TPRG1: variants seen among roughly 807,000 people sequenced by gnomAD.
TPRG1 encodes the protein tumor protein p63-regulated gene 1 protein.
A neutral mutation model predicts 29.3 loss-of-function variants in TPRG1; 29 were observed. That is an observed-to-expected ratio of 0.99 (90% CI 0.74 to 1.35). The LOEUF is 1.35. TPRG1 is among the 40% of genes most tolerant of loss of function. The pLI is 0.00. For synonymous variants in TPRG1, 130 were observed against 116.8 expected, an observed-to-expected ratio of 1.11 and a Z score of -0.73; for missense variants, 327 against 335.0, an observed-to-expected ratio of 0.98 and a Z score of 0.19.
intron 3 of TPRG1, among the ~76,000 whole-genome samples, chr3:189,023,105 C>A (rs1359048652): frequency 6.6e-6 from 1 of 152,244 alleles, no homozygotes; most frequent in Non-Finnish European, 1.5e-5. Flanking sequence ...GTGCGCGCAC[C>A]CACTGACCTG....
chr3:189,320,765 T>C lies in TPRG1; in HGVS notation c.773T>C (p.Ile258Thr), dbSNP rs772883046. 4.3e-5 allele frequency: 70 copies of C among 1,610,842 alleles called. No individual in the cohort carries two copies. The Middle Eastern group carries it at 1.6e-3, about 38-fold the overall frequency. Residue 258 changes from isoleucine (I) to threonine (T), a missense_variant, in exon 6 of 6, where the codon ATT becomes ACT. By Grantham distance (89) the Ile-to-Thr change is moderately conservative (BLOSUM62 -1). Coordinates refer to ENST00000345063, the MANE Select transcript of TPRG1 (RefSeq NM_198485.4). ...ACCTACACAGGGCTGATGTCATTCA[T>C]TGGAAACCGCAACAAACTTGGCTAT... ...IETYTGLMSF[I>T]GNRNKLGYSL...
chr3:189,043,924 C>A (rs961136991), intron 4 of TPRG1, among the ~76,000 whole-genome samples: 1 of 152,136 alleles, frequency 6.6e-6, no homozygotes, highest in African/African-American at 2.4e-5. Context: ...CCATCTACAG[C>A]ATTTGAGCAA....
At chr3:189,312,147 T>TTC (rs1325508233) in intron 5 of TPRG1, among the ~76,000 whole-genome samples, 2 of 62,116 alleles carry the variant, frequency 3.2e-5, no homozygotes, top group African/African-American at 1.4e-4. Context: ...CTTTCTTTCT[T>TTC]TCTTTCTTTC....
At chr3:189,058,532 A>G (rs1715882064) in intron 4 of TPRG1, among the ~76,000 whole-genome samples, 1 of 152,220 alleles carries the variant, frequency 6.6e-6, no homozygotes. Context: ...TGTGGGGCCC[A>G]CAAAACAAGT....
chr3:189,255,005 AC>A (rs1346423653), intron 4 of TPRG1, among the ~76,000 whole-genome samples: 2 of 152,026 alleles, frequency 1.3e-5, no homozygotes, highest in Admixed American at 6.6e-5. Flanking sequence ...ATATTTGAAT[AC>A]CCTTTATTTA....
intron 1 of TPRG1, among the ~76,000 whole-genome samples, chr3:189,204,552 GA>G (rs1235494701): frequency 4.6e-5 from 7 of 152,204 alleles, no homozygotes. Flanking sequence ...ACGGAGCTGA[GA>G]GTTTCCTTCT....
At chr3:189,240,100 A>C (rs1740287856) in intron 4 of TPRG1, among the ~76,000 whole-genome samples, 1 of 152,174 alleles carries the variant, frequency 6.6e-6, no homozygotes, top group Non-Finnish European at 1.5e-5. Context: ...AAAAAGCACG[A>C]GTTCATCAAG....
chr3:189,089,014 A>ATCTG (rs1164812742), intron 4 of TPRG1, among the ~76,000 whole-genome samples: 15 of 149,466 alleles, frequency 1.0e-4, no homozygotes, highest in Non-Finnish European at 1.9e-4. Flanking sequence ...CTATCTATCT[A>ATCTG]TGTATCATCT....
chr3:189,033,670 C>A (rs544475471), intron 4 of TPRG1, among the ~76,000 whole-genome samples: 2 of 151,970 alleles, frequency 1.3e-5, no homozygotes, highest in South Asian at 2.1e-4. Flanking sequence ...AGCTCCACCT[C>A]CCGGGTTCAT....
At chr3:189,231,317 T>A (rs1578941222) in intron 3 of TPRG1, among the ~76,000 whole-genome samples, 1 of 150,562 alleles carries the variant, frequency 6.6e-6, no homozygotes, top group South Asian at 2.1e-4. Context: ...ATTAATGACT[T>A]CTCTTTTAAT....
upstream of TPRG1, among the ~76,000 whole-genome samples, chr3:189,168,287 A>G (rs1455817069): frequency 6.6e-6 from 1 of 152,192 alleles, no homozygotes; most frequent in African/African-American, 2.4e-5. Flanking sequence ...GATAAGGGAC[A>G]GATTGTCCGG....
chr3:189,227,538 T>C (rs550474742), intron 3 of TPRG1, among the ~76,000 whole-genome samples: 8 of 152,328 alleles, frequency 5.3e-5, no homozygotes, highest in African/African-American at 1.9e-4. Flanking sequence ...ATTGACGCAA[T>C]TGTAGCCCTC....
In TPRG1 at chr3:189,026,809, G is replaced by A. The variant is rs559576913; in HGVS notation, c.-463+2863G>A. Among the ~76,000 whole-genome samples, 14 of 152,234 alleles carry A rather than the reference G, an allele frequency of 9.2e-5. No homozygotes were observed. The East Asian group carries it at 2.7e-3, about 29-fold the overall frequency. On this transcript the variant is annotated intron_variant, in intron 4 of 10. Coordinates refer to the TPRG1 transcript ENST00000433971. ...AAGCTGTGCTATAGACAGTCACATTGGCGAAGGATGGATTGAAAGACGAAG... is the reference window on the plus strand; with the variant it reads ...AAGCTGTGCTATAGACAGTCACATTAGCGAAGGATGGATTGAAAGACGAAG...
intron 1 of TPRG1, among the ~76,000 whole-genome samples, chr3:189,178,158 A>T (rs1052099971): frequency 6.6e-6 from 1 of 152,260 alleles, no homozygotes; most frequent in African/African-American, 2.4e-5. Context: ...TATTTATAAA[A>T]GAAAATGGAG....
At chr3:189,056,004 C>G (rs115198913) in intron 4 of TPRG1, among the ~76,000 whole-genome samples, 142 of 149,484 alleles carry the variant, frequency 9.5e-4, no homozygotes, top group African/African-American at 3.4e-3. Context: ...ATGAGGATCT[C>G]TCTCTCCCTC....
chr3:189,222,062 T>C (rs193187542), intron 3 of TPRG1, among the ~76,000 whole-genome samples: 149 of 152,318 alleles, frequency 9.8e-4, no homozygotes, highest in African/African-American at 3.4e-3. Context: ...TTGTTGATTG[T>C]CTTTTGTTTG....
chr3:189,206,221 CT>C (rs1389958816), intron 1 of TPRG1, among the ~76,000 whole-genome samples: 2 of 146,698 alleles, frequency 1.4e-5, no homozygotes, highest in Non-Finnish European at 3.0e-5. Flanking sequence ...TTTTAACTTA[CT>C]TTTTTCCATT....
At chr3:189,178,476 G>T (rs6769319) in intron 1 of TPRG1, among the ~76,000 whole-genome samples, 3 of 152,022 alleles carry the variant, frequency 2.0e-5, no homozygotes, top group African/African-American at 7.3e-5. Flanking sequence ...CTGAGATCAC[G>T]CCACTGCACT....
intron 4 of TPRG1, chr3:189,309,780 G>A (rs957227572): frequency 3.9e-5 from 6 of 152,310 alleles, no homozygotes; most frequent in African/African-American, 1.4e-4. Flanking sequence ...CTTAACAGGA[G>A]GGGCAGGCAC....
Sources: allele counts gnomAD v4.1 joint callset (sites outside exome capture counted in the v4.1 genomes callset), GRCh38; gene constraint gnomAD v4.1.1; transcripts MANE v1.5; gene names NCBI Gene and HGNC (gene_info 2026-07-23, HGNC 2026-07-21).